CTNNA3: variants seen among roughly 807,000 people sequenced by gnomAD.
The protein encoded by CTNNA3 is catenin alpha-3.
A neutral mutation model predicts 95.7 loss-of-function variants in CTNNA3; 76 were observed. The ratio of observed to expected loss-of-function variants is 0.79; its 90% CI spans 0.66 to 0.96. The LOEUF (loss-of-function observed/expected upper bound fraction) is 0.96. CTNNA3 is among the 40% of genes least tolerant of loss of function. The pLI is 0.00. For missense variants in CTNNA3, 1,191 were observed against 1,089.8 expected (o/e 1.09, Z -1.31); for synonymous variants, 431 against 374.4 (o/e 1.15, Z -1.74).
chr10:66,984,902 TTTTG>T (rs1850641161), intron 7 of CTNNA3, among the ~76,000 whole-genome samples: 2 of 152,226 alleles, frequency 1.3e-5, no homozygotes, highest in South Asian at 2.1e-4. Context: ...GGTGCTTTTT[TTTTG>T]TTTAAGTACA....
intron 5 of CTNNA3, among the ~76,000 whole-genome samples, chr10:67,357,306 A>G (rs1842843467): frequency 6.6e-6 from 1 of 152,140 alleles, no homozygotes. Context: ...TATATCTCCC[A>G]GAAGATAAAA....
At chr10:66,397,156 T>C (rs185843438) in intron 11 of CTNNA3, among the ~76,000 whole-genome samples, 138 of 151,804 alleles carry the variant, frequency 9.1e-4, no homozygotes, top group African/African-American at 3.2e-3. Flanking sequence ...AGTGGCATTA[T>C]GAGTAGTTTT....
At chr10:66,254,256 C>T (rs2090671710) in intron 13 of CTNNA3, among the ~76,000 whole-genome samples, 1 of 152,146 alleles carries the variant, frequency 6.6e-6, no homozygotes, top group Non-Finnish European at 1.5e-5. Flanking sequence ...AATTTGACTT[C>T]CCTATTATCA....
rs972975315 is a variant in CTNNA3 at position 66,027,667 on chromosome 10, T to C, written c.2160-38870A>G. 7.9e-5 allele frequency among the ~76,000 whole-genome samples: 12 copies of C among 152,340 alleles called. No homozygotes were observed. The East Asian group carries it at 1.7e-3, about 22-fold the overall frequency. On this transcript the variant is annotated intron_variant, in intron 15 of 17. Transcript: ENST00000433211. The stretch of plus-strand genomic sequence containing the variant: ...CACTTTGTAATCTTGTATTTACTTA[T>C]GGTTCACAGTAAAGGAAGACTCAAT...
At chr10:67,482,695 C>G (rs1343154395) in intron 5 of CTNNA3, among the ~76,000 whole-genome samples, 1 of 152,144 alleles carries the variant, frequency 6.6e-6, no homozygotes, top group Non-Finnish European at 1.5e-5. Flanking sequence ...CATCTGCAAA[C>G]AGGGACAATT....
At chr10:67,054,449 T>G (rs74141776) in intron 7 of CTNNA3, among the ~76,000 whole-genome samples, 166 of 152,268 alleles carry the variant, frequency 1.1e-3, no homozygotes, top group African/African-American at 3.9e-3. Context: ...TTCTTCAATC[T>G]CTGGCCTAAT....
chr10:67,023,660 T>C (rs1349766287), intron 7 of CTNNA3, among the ~76,000 whole-genome samples: 1 of 152,208 alleles, frequency 6.6e-6, no homozygotes, highest in Admixed American at 6.5e-5. Flanking sequence ...TTAGAATCTA[T>C]GGAGAAAAAT....
intron 14 of CTNNA3, among the ~76,000 whole-genome samples, chr10:66,089,295 G>A (rs1051933114): frequency 6.6e-6 from 1 of 151,350 alleles, no homozygotes; most frequent in Non-Finnish European, 1.5e-5. Flanking sequence ...TATTACTCTT[G>A]GTAAATAGAG....
chr10:67,704,309 G>T (rs555414838), intron 1 of CTNNA3, among the ~76,000 whole-genome samples: 1 of 152,122 alleles, frequency 6.6e-6, no homozygotes, highest in African/African-American at 2.4e-5. Context: ...AAAAGAGCCC[G>T]CATCACCAAG....
intron 7 of CTNNA3, among the ~76,000 whole-genome samples, chr10:66,870,911 T>C (rs1844376343): frequency 6.6e-6 from 1 of 152,206 alleles, no homozygotes. Context: ...CTGAGGAGTC[T>C]ACACAGAGCT....
At chr10:66,382,675 C>G (rs2092851395) in intron 11 of CTNNA3, among the ~76,000 whole-genome samples, 1 of 152,144 alleles carries the variant, frequency 6.6e-6, no homozygotes, top group Non-Finnish European at 1.5e-5. Context: ...GGAGACACCT[C>G]CCAGTAGAGG....
chr10:66,569,969 G>A (rs987729367), intron 10 of CTNNA3, among the ~76,000 whole-genome samples: 1 of 152,096 alleles, frequency 6.6e-6, no homozygotes, highest in East Asian at 1.9e-4. Context: ...AGGAGAGTGA[G>A]CATAGGGAAG....
chr10:66,615,308 T>G (rs1244751807), intron 10 of CTNNA3, among the ~76,000 whole-genome samples: 1 of 151,976 alleles, frequency 6.6e-6, no homozygotes, highest in Non-Finnish European at 1.5e-5. Context: ...AGCATGAAAA[T>G]CCAATGATCA....
intron 13 of CTNNA3, among the ~76,000 whole-genome samples, chr10:66,118,954 A>T (rs2082455077): frequency 6.6e-6 from 1 of 152,152 alleles, no homozygotes; most frequent in Non-Finnish European, 1.5e-5. Flanking sequence ...TATGTTGCTC[A>T]GGCTGACCTC....
At chr10:66,546,668 A>G (rs1842044089) in intron 10 of CTNNA3, among the ~76,000 whole-genome samples, 1 of 152,160 alleles carries the variant, frequency 6.6e-6, no homozygotes, top group Non-Finnish European at 1.5e-5. Flanking sequence ...CCAGATGCTT[A>G]TAAAACCATC....
chr10:66,447,404 A>G lies in CTNNA3; in HGVS notation c.1532-68052T>C, dbSNP rs190602357. On this transcript the variant is annotated intron_variant, in intron 11 of 17. Transcript: ENST00000433211. ...CCAAAAGAAGAAAGCTGGAGGCATC[A>G]CACTACCTGACTTCAGACTATACTC... Among the ~76,000 whole-genome samples, 751 of 126,052 alleles carry G rather than the reference A, an allele frequency of 6.0e-3. 75 individuals carry two copies. Among genetic ancestry groups the G allele is most frequent in the Non-Finnish European group, 7.5e-3 (453 of 60,630 alleles). The allele number at this position is 126,052 out of a possible 152,430, so 82.7% of individuals were successfully genotyped here.
In CTNNA3 at chr10:66,551,902, T is replaced by C. The variant is rs1042225105; in HGVS notation, c.1375-31129A>G. Among the ~76,000 whole-genome samples, 4 of 143,058 alleles carry C rather than the reference T, an allele frequency of 2.8e-5. No homozygotes were observed. In the South Asian group the frequency reaches 9.2e-4, roughly 33 times the overall value. The allele number at this position is 143,058 out of a possible 152,430, so 93.9% of individuals were successfully genotyped here. On this transcript the variant is annotated intron_variant, in intron 10 of 17. Coordinates refer to ENST00000433211, the MANE Select transcript of CTNNA3 (RefSeq NM_013266.4). ...TAGGGAATCTTTTCTTTTCCTTTTT[T>C]TTTTTTTTTTTTTTTTCTGAGACAG...
chr10:66,530,237 G>C (rs1484163099), intron 10 of CTNNA3, among the ~76,000 whole-genome samples: 2 of 152,136 alleles, frequency 1.3e-5, no homozygotes, highest in Non-Finnish European at 2.9e-5. Context: ...ACGGCAAGTA[G>C]AGAAAATTAA....
intron 7 of CTNNA3, chr10:67,098,940 A>G (rs1858170100): frequency 6.6e-6 from 1 of 151,874 alleles, no homozygotes; most frequent in African/African-American, 2.4e-5. Flanking sequence ...AAACATATGA[A>G]TTTGTTTTGC....
Sources: gnomAD v4.1 joint callset for allele counts (sites outside exome capture counted in the v4.1 genomes callset) on GRCh38, gnomAD v4.1.1 for gene constraint, MANE v1.5 for transcripts, NCBI Gene and HGNC (gene_info 2026-07-23, HGNC 2026-07-21) for gene names.